SP140: variants seen among roughly 807,000 people sequenced by gnomAD.
SP140 encodes the protein SP140 nuclear body protein.
Under a neutral mutation model 125.0 loss-of-function variants are expected in SP140, and 81 were observed. The observed-to-expected ratio is 0.65, with a 90% confidence interval of 0.54 to 0.78. SP140 has a LOEUF of 0.78. SP140 is among the 30% of genes least tolerant of loss of function. SP140 has a pLI of 0.00. For missense variants in SP140, 858 were observed against 1,037.0 expected, an observed-to-expected ratio of 0.83 and a Z score of 2.37; for synonymous variants, 312 against 354.0, an observed-to-expected ratio of 0.88 and a Z score of 1.33.
upstream of SP140, chr2:230,225,529 C>T: frequency 2.3e-6 from 1 of 428,324 alleles, no homozygotes; most frequent in Non-Finnish European, 4.4e-6. Context: ...CATGATGCCA[C>T]CTTACCTCAA....
intron 22 of SP140, among the ~76,000 whole-genome samples, chr2:230,305,702 T>C (rs987104700): frequency 2.0e-5 from 3 of 152,186 alleles, no homozygotes; most frequent in African/African-American, 7.2e-5. Context: ...GTGGCCACAC[T>C]TCAGGGGCCG....
intron 17 of SP140, among the ~76,000 whole-genome samples, chr2:230,287,248 G>A (rs766883369): frequency 9.2e-5 from 14 of 152,138 alleles, no homozygotes; most frequent in Non-Finnish European, 1.9e-4. Context: ...TTTGTCCAAA[G>A]CCATGTGGAC....
At chr2:230,253,564 CT>C (rs2050707003) in intron 11 of SP140, 147 bp downstream of exon 11, 9 of 655,512 alleles carry the variant, frequency 1.4e-5, no homozygotes, top group East Asian at 5.6e-5. Flanking sequence ...TTCTGTTGGG[CT>C]TTTTTTGTAA....
At chr2:230,296,076 CAA>C (rs10712405) in intron 21 of SP140, among the ~76,000 whole-genome samples, 4,748 of 143,184 alleles carry the variant, frequency 0.033, 232 homozygotes, top group African/African-American at 0.11. Context: ...CCATCTCTAC[CAA>C]AAAAAAAAAA....
chr2:230,244,726 C>T (rs2049175850), intron 5 of SP140, among the ~76,000 whole-genome samples: 1 of 151,926 alleles, frequency 6.6e-6, no homozygotes, highest in South Asian at 2.1e-4. Flanking sequence ...GAGGGAATCC[C>T]AGGGAGTCAA....
intron 3 of SP140, chr2:230,214,988 T>C: frequency 6.2e-7 from 1 of 1,614,076 alleles, no homozygotes; most frequent in African/African-American, 1.3e-5. Context: ...CAGATTGGGA[T>C]ATTCACGCAG....
intron 22 of SP140, among the ~76,000 whole-genome samples, chr2:230,299,927 C>T (rs1013513809): frequency 7.2e-5 from 11 of 152,212 alleles, no homozygotes; most frequent in Non-Finnish European, 1.6e-4. Context: ...CTGCAAGCCA[C>T]CCCTCATCCC....
chr2:230,309,694 T>G (rs2059153072), intron 22 of SP140, among the ~76,000 whole-genome samples: 1 of 152,232 alleles, frequency 6.6e-6, no homozygotes, highest in Admixed American at 6.5e-5. Flanking sequence ...AATCTCTGGT[T>G]TCATAAGGAA....
At chr2:230,222,091 G>T (rs10187268), upstream of SP140, among the ~76,000 whole-genome samples, 1 of 152,118 alleles carries the variant, frequency 6.6e-6, no homozygotes, top group African/African-American at 2.4e-5. Flanking sequence ...TTAGCTGGGC[G>T]TGGTGGCACA....
chr2:230,291,631 T>C (rs1448829944), intron 19 of SP140, among the ~76,000 whole-genome samples: 1 of 152,252 alleles, frequency 6.6e-6, no homozygotes. Flanking sequence ...TATATGTCAT[T>C]GTATAGATAT....
intron 10 of SP140, among the ~76,000 whole-genome samples, chr2:230,251,321 G>A (rs1393502553): frequency 6.6e-6 from 1 of 152,150 alleles, no homozygotes; most frequent in Non-Finnish European, 1.5e-5. Flanking sequence ...GTTGGATTAT[G>A]TCAAGGCAAG....
chr2:230,219,888 T>C (rs1165130711), intron 3 of SP140: 1 of 984,448 alleles, frequency 1.0e-6, no homozygotes, highest in Non-Finnish European at 1.2e-6. Flanking sequence ...ACTTTGAGTT[T>C]GTCGTTCCTG....
At chr2:230,226,762 C>CAAAAAAAAAACAAAAAAAAAAAA (rs2046451586) in intron 1 of SP140, among the ~76,000 whole-genome samples, 1 of 94,264 alleles carries the variant, frequency 1.1e-5, no homozygotes, top group Non-Finnish European at 2.1e-5. Context: ...AATTCCATCT[C>CAAAAAAAAAACAAAAAAAAAAAA]AAAAAAAAAA....
chr2:230,265,793 G>C (rs34790921), intron 12 of SP140, among the ~76,000 whole-genome samples: 2 of 145,592 alleles, frequency 1.4e-5, no homozygotes, highest in East Asian at 1.9e-4. Flanking sequence ...AGTTTTACGG[G>C]GGGGGGCGGT....
chr2:230,269,579 G>A lies in SP140; in HGVS notation c.1288G>A (p.Glu430Lys), dbSNP rs547169051. The A allele has an allele frequency of 6.2e-7, 1 of 1,605,764 alleles. No individual in the cohort carries two copies. The highest frequency in any genetic ancestry group is 8.5e-7 in the Non-Finnish European group (1 of 1,174,612). ...CCCAATGAATGAAGAAGGAGAATCA[G>A]AAGAGCTTGCTTCTAGCCTGCTATA... ...NHPMNEEGES[E>K]ELASSLLYDN... The change falls in exon 13 of 27, where the codon GAA becomes AAA. Residue 430 changes from glutamate to lysine, a missense_variant. This residue lies in a region of SP140 where 791 missense variants were observed against 869.5 expected (regional missense o/e 0.91). Transcript: ENST00000392045.
chr2:230,274,679 CA>C (rs200146378), intron 15 of SP140, among the ~76,000 whole-genome samples: 234 of 147,448 alleles, frequency 1.6e-3, no homozygotes, highest in African/African-American at 2.4e-3. Flanking sequence ...TTTTGTAAGA[CA>C]AAAAAAAAAT....
intron 1 of SP140, chr2:230,230,500 A>C (rs182244471): frequency 2.0e-5 from 3 of 152,340 alleles, no homozygotes; most frequent in South Asian, 2.1e-4. Flanking sequence ...GTTTTACAAA[A>C]GTGGTTTTGG....
chr2:230,226,012 T>G (rs2046285048), intron 1 of SP140, 109 bp downstream of exon 1: 2 of 822,548 alleles, frequency 2.4e-6, no homozygotes. Flanking sequence ...ACAATAGAAT[T>G]CAGTTACAAA....
At chr2:230,187,079 C>A in the SP140 span, among the ~76,000 whole-genome samples, 1 of 152,124 alleles carries the variant, frequency 6.6e-6, no homozygotes, top group African/African-American at 2.4e-5. Flanking sequence ...AATCTCCATA[C>A]TGTTTTCCAT....
Sources: allele counts gnomAD v4.1 joint callset (sites outside exome capture counted in the v4.1 genomes callset), GRCh38; gene constraint gnomAD v4.1.1; regional missense constraint gnomAD v4.1.1; transcripts MANE v1.5; gene names NCBI Gene and HGNC (gene_info 2026-07-23, HGNC 2026-07-21).